OSBP: variants seen among roughly 807,000 people sequenced by gnomAD.
OSBP encodes the protein oxysterol-binding protein 1.
OSBP carries 32 observed loss-of-function variants against 96.6 expected under a neutral mutation model. That is an observed-to-expected ratio of 0.33 (90% CI 0.25 to 0.45). The LOEUF (loss-of-function observed/expected upper bound fraction) is 0.45. OSBP is among the 20% of genes least tolerant of loss of function. OSBP has a pLI of 1.00. For missense variants in OSBP, 653 were observed against 1,029.7 expected (o/e 0.63, Z 5.01); for synonymous variants, 369 against 389.6 (o/e 0.95, Z 0.62).
chr11:59,614,684 G>C (rs140052410), intron 1 of OSBP, among the ~76,000 whole-genome samples: 1 of 152,310 alleles, frequency 6.6e-6, no homozygotes, highest in African/African-American at 2.4e-5. Context: ...GCAGCACTGG[G>C]GTGCACATCT....
chr11:59,580,459 C>T (rs1860407331), intron 10 of OSBP, among the ~76,000 whole-genome samples, 190 bp from the exon 11 acceptor site: 1 of 152,144 alleles, frequency 6.6e-6, no homozygotes, highest in Admixed American at 6.6e-5. Context: ...GAGATCAAGA[C>T]CAAGTGTCCA....
At chr11:59,581,427 C>T (rs768275013) in intron 10 of OSBP, 24 bp downstream of exon 10, 2 of 1,352,600 alleles carry the variant, frequency 1.5e-6, no homozygotes, top group Non-Finnish European at 2.1e-6. Context: ...AAACTTCACA[C>T]ACACTTTGGG....
chr11:59,612,606 G>A (rs1860864083), intron 1 of OSBP, among the ~76,000 whole-genome samples: 2 of 152,332 alleles, frequency 1.3e-5, no homozygotes, highest in East Asian at 3.9e-4. Context: ...AGGCAGACTT[G>A]ATCTCGGAGC....
intron 3 of OSBP, among the ~76,000 whole-genome samples, chr11:59,603,832 A>C (rs575476384): frequency 2.9e-4 from 44 of 152,020 alleles, no homozygotes; most frequent in Non-Finnish European, 6.0e-4. Context: ...TCAGTTTCCT[A>C]TGTTGTCTCT....
At chr11:59,595,944 A>AAAAAAAAT (rs1860645866) in intron 7 of OSBP, among the ~76,000 whole-genome samples, 1 of 138,512 alleles carries the variant, frequency 7.2e-6, no homozygotes, top group Non-Finnish European at 1.5e-5. Context: ...ACTCTGTCTA[A>AAAAAAAAT]AAATAAATAA....
chr11:59,591,747 A>G (rs1421729191), intron 9 of OSBP, among the ~76,000 whole-genome samples: 1 of 151,552 alleles, frequency 6.6e-6, no homozygotes, highest in Non-Finnish European at 1.5e-5. Flanking sequence ...CAGCCTCCTG[A>G]GTAGCTGGGA....
chr11:59,610,619 CAG>C (rs1401710435), intron 1 of OSBP, 30 bp from the exon 2 acceptor site: 1 of 1,552,206 alleles, frequency 6.4e-7, no homozygotes, highest in African/African-American at 1.4e-5. Flanking sequence ...ACAATTTAAA[CAG>C]AAAGTTGACG....
chr11:59,610,559 A>T lies in OSBP; in HGVS notation c.393T>A (p.Arg131=), dbSNP rs1167942016. The T allele has an allele frequency of 6.2e-7, 1 of 1,614,142 alleles. No homozygotes were observed. The highest frequency in any genetic ancestry group is 1.1e-5 in the South Asian group (1 of 91,086). The change falls in exon 2 of 14, where the codon CGT becomes CGA. Residue 131 remains arginine, a synonymous_variant. Coordinates refer to ENST00000263847, the MANE Select transcript of OSBP (RefSeq NM_002556.3). The stretch of plus-strand genomic sequence containing the variant: ...TGGCTGTGGCGAGGTTGATGGTACC[A>T]CGGCAGGTATGTCTCATTTCTGCCT... ...RSKAEMRHTC[R]GTINLATANI... is the part of the protein sequence containing the mutation.
chr11:59,586,813 G>A lies in OSBP; in HGVS notation c.1679-5259C>T, dbSNP rs570133547. ...GACAGGACAGTCTTTTGAACAAATGGACCCACATGCAAAAGAATGAAGTTA... is the reference window on the plus strand; with the variant it reads ...GACAGGACAGTCTTTTGAACAAATGAACCCACATGCAAAAGAATGAAGTTA... On this transcript the variant is annotated intron_variant, in intron 9 of 13. Coordinates refer to ENST00000263847, the MANE Select transcript of OSBP (RefSeq NM_002556.3). Among the ~76,000 whole-genome samples, 121 of 152,198 alleles carry A rather than the reference G, an allele frequency of 8.0e-4. 1 individual carries two copies. Among genetic ancestry groups the A allele is most frequent in the African/African-American group, 2.9e-3 (120 of 41,542 alleles).
chr11:59,608,741 G>A lies in OSBP; in HGVS notation c.572-7C>T. ...TCTTCATCTCCTGATTCATCTGTAG[G>A]AATGAAAAGAAAGGTTATATGATTC... is the stretch of plus-strand genomic sequence containing the variant. On this transcript the variant is annotated splice_polypyrimidine_tract_variant and splice_region_variant and intron_variant, in intron 2 of 13. Coordinates refer to ENST00000263847, the MANE Select transcript of OSBP (RefSeq NM_002556.3). 4 of 1,613,780 alleles carry A rather than the reference G, an allele frequency of 2.5e-6. No individual in the cohort carries two copies. Among genetic ancestry groups the A allele is most frequent in the Non-Finnish European group, 3.4e-6 (4 of 1,179,734 alleles).
At chr11:59,586,882 T>C (rs915443193) in intron 9 of OSBP, among the ~76,000 whole-genome samples, 11 of 152,092 alleles carry the variant, frequency 7.2e-5, no homozygotes, top group African/African-American at 2.7e-4. Context: ...TCAAAATAGA[T>C]GAAAGACCTA....
chr11:59,591,148 T>C (rs1860574712), intron 9 of OSBP, among the ~76,000 whole-genome samples: 1 of 152,170 alleles, frequency 6.6e-6, no homozygotes, highest in South Asian at 2.1e-4. Context: ...TGTTTTCCTG[T>C]TATTTAATTT....
intron 12 of OSBP, 67 bp downstream of exon 12, chr11:59,578,081 AT>A (rs1860380371): frequency 6.9e-7 from 1 of 1,447,330 alleles, no homozygotes; most frequent in South Asian, 1.2e-5. Flanking sequence ...GCAGGCAGAA[AT>A]GCCTTCAATA....
rs753163572 is a variant in OSBP, at chr11:59,578,350, G to C, written c.1879-20C>G. ...CGTCACCTGCAAGGGTGGAGAACAG[G>C]GCTTGGCTATATAGAATTCACTGTG... On this transcript the variant is annotated intron_variant, in intron 11 of 13. Transcript: ENST00000263847. 19 of 1,610,970 alleles carry C rather than the reference G, an allele frequency of 1.2e-5. No individual in the cohort carries two copies. The Admixed American group carries it at 3.2e-4, about 27-fold the overall frequency.
intron 7 of OSBP, among the ~76,000 whole-genome samples, chr11:59,594,925 TTA>T (rs1398965232): frequency 2.0e-5 from 3 of 152,080 alleles, no homozygotes; most frequent in Non-Finnish European, 4.4e-5. Context: ...ATGTGTGTGT[TTA>T]TGTGTGTGTG....
chr11:59,578,151 T>C lies in OSBP; in HGVS notation c.2058A>G (p.Leu686=). 1.2e-6 allele frequency: 2 copies of C among 1,613,962 alleles called. No individual in the cohort carries two copies. The highest frequency in any genetic ancestry group is 1.7e-6 in the Non-Finnish European group (2 of 1,179,814). The change falls in exon 12 of 14, where the codon TTA becomes TTG. Residue 686 remains leucine (L), a splice_region_variant and synonymous_variant. Coordinates refer to ENST00000263847, the MANE Select transcript of OSBP (RefSeq NM_002556.3). ...SRVMLWKRNP[L]PKNAENMYYF... is the part of the protein sequence containing the mutation. The stretch of plus-strand genomic sequence containing the variant: ...GCAGCATGCATGCTGATACTCACGG[T>C]AAAGGATTCCTTTTCCACAGCATGA...
chr11:59,603,538 T>TG (rs1035029973), intron 3 of OSBP, among the ~76,000 whole-genome samples: 27 of 147,002 alleles, frequency 1.8e-4, no homozygotes, highest in Non-Finnish European at 1.8e-4. Context: ...AGTTTTTTTT[T>TG]TTTTTTTTTT....
chr11:59,603,348 T>C lies in OSBP; in HGVS notation c.823-1510A>G, dbSNP rs374910057. ...AATCTATTCCCTGTTACAGAGAAGC[T>C]AAAAGGTAAACAGGATATTTACTCC... is the stretch of plus-strand genomic sequence containing the variant. On this transcript the variant is annotated intron_variant, in intron 3 of 13. Transcript: ENST00000263847. 2.6e-5 allele frequency among the ~76,000 whole-genome samples: 4 copies of C among 152,134 alleles called. No individual in the cohort carries two copies. In the East Asian group the frequency reaches 5.8e-4, roughly 22 times the overall value.
At chr11:59,605,903 G>A (rs1860775192) in intron 3 of OSBP, among the ~76,000 whole-genome samples, 1 of 152,164 alleles carries the variant, frequency 6.6e-6, no homozygotes, top group Admixed American at 6.5e-5. Flanking sequence ...GAGGCAGTTG[G>A]ACGGGATGCA....
Sources: gnomAD v4.1 joint callset for allele counts (sites outside exome capture counted in the v4.1 genomes callset) on GRCh38, gnomAD v4.1.1 for gene constraint, MANE v1.5 for transcripts, NCBI Gene and HGNC (gene_info 2026-07-23, HGNC 2026-07-21) for gene names.